The following IRAK1BP1 variants were observed in gnomAD, a reference collection of about 807,000 sequenced individuals.
IRAK1BP1 encodes interleukin-1 receptor-associated kinase 1-binding protein 1.
In IRAK1BP1, 24 loss-of-function variants were observed where a neutral mutation model predicts 28.0. That is an observed-to-expected ratio of 0.86 (90% CI 0.62 to 1.20). The LOEUF is 1.20. IRAK1BP1 is among the 50% of genes most tolerant of loss of function. The pLI, the probability that IRAK1BP1 is intolerant of heterozygous loss-of-function variation, is 0.00. For missense variants in IRAK1BP1, 336 were observed against 316.7 expected (o/e 1.06, Z -0.46); for synonymous variants, 131 against 116.3 (o/e 1.13, Z -0.81).
chr6:78,974,882 C>G, the IRAK1BP1 span, among the ~76,000 whole-genome samples: 2 of 151,510 alleles, frequency 1.3e-5, no homozygotes, highest in African/African-American at 4.9e-5. Context: ...CAATAATCAA[C>G]AGCTTACCAA....
downstream of IRAK1BP1, among the ~76,000 whole-genome samples, chr6:78,906,830 A>G (rs1772273252): frequency 1.3e-5 from 2 of 152,246 alleles, 1 homozygote; most frequent in South Asian, 4.2e-4. Flanking sequence ...CATTTTATAT[A>G]TTTTATTTGC....
intron 1 of IRAK1BP1, among the ~76,000 whole-genome samples, chr6:78,869,916 C>G (rs958194956): frequency 2.6e-5 from 4 of 151,938 alleles, no homozygotes; most frequent in African/African-American, 9.7e-5. Context: ...CAAGACCAGC[C>G]TGACCAACAT....
the IRAK1BP1 span, among the ~76,000 whole-genome samples, chr6:78,966,701 T>A: frequency 6.6e-6 from 1 of 152,242 alleles, no homozygotes; most frequent in South Asian, 2.1e-4. Flanking sequence ...CCCAAAGACC[T>A]GAACAAGCTA....
chr6:78,966,401 G>A, the IRAK1BP1 span, among the ~76,000 whole-genome samples: 53 of 151,916 alleles, frequency 3.5e-4, 2 homozygotes, highest in Non-Finnish European at 2.9e-4. Context: ...TTATAATTGC[G>A]GCAAGTTCCA....
At chr6:78,967,867 G>A in the IRAK1BP1 span, among the ~76,000 whole-genome samples, 1 of 152,244 alleles carries the variant, frequency 6.6e-6, no homozygotes, top group African/African-American at 2.4e-5. Flanking sequence ...GGGCGCGGTG[G>A]CTCATGCCTG....
At chr6:78,965,859 AAAG>A in the IRAK1BP1 span, 2 of 1,199,090 alleles carry the variant, frequency 1.7e-6, no homozygotes, top group Non-Finnish European at 2.4e-6. Flanking sequence ...TCTGTGTTTA[AAAG>A]AAGTCTCTTT....
the IRAK1BP1 span, among the ~76,000 whole-genome samples, chr6:78,977,963 C>T: frequency 2.0e-5 from 3 of 152,030 alleles, no homozygotes; most frequent in South Asian, 4.1e-4. Context: ...TATGGTCAAT[C>T]TGTTGGACAC....
the IRAK1BP1 span, among the ~76,000 whole-genome samples, chr6:78,970,581 T>C: frequency 6.8e-4 from 104 of 152,284 alleles, 1 homozygote; most frequent in South Asian, 8.1e-3. Flanking sequence ...ATAAACTGCA[T>C]TGGAGTATAT....
chr6:78,969,781 A>C, the IRAK1BP1 span: 1 of 800,476 alleles, frequency 1.2e-6, no homozygotes, highest in Non-Finnish European at 2.0e-6. Context: ...TAAATCACTT[A>C]CTAAGAAAAA....
At chr6:78,912,160 C>T (rs1222763870) in intron 4 of IRAK1BP1, among the ~76,000 whole-genome samples, 1 of 152,006 alleles carries the variant, frequency 6.6e-6, no homozygotes, top group East Asian at 1.9e-4. Flanking sequence ...GACAACTTCC[C>T]AGAAGAGGAT....
the IRAK1BP1 span, among the ~76,000 whole-genome samples, chr6:78,974,592 GT>G: frequency 6.6e-6 from 1 of 152,050 alleles, no homozygotes; most frequent in African/African-American, 2.4e-5. Context: ...CCAGGAGCTG[GT>G]TTTTTGAAAG....
At position 78,902,843 on chromosome 6, in the gene IRAK1BP1, G is replaced by A; in HGVS notation, c.*4509G>A. The A allele has an allele frequency of 1.7e-6, 1 of 589,096 alleles. No homozygotes were observed. Among genetic ancestry groups the A allele is most frequent in the South Asian group, 2.1e-5 (1 of 46,512 alleles). The allele number at this position is 589,096 out of a possible 1,614,324, so 36.5% of individuals were successfully genotyped here. ...ACATAAAATGCCCAGTATCTTACAA[G>A]ACTGTAGTTCACAGTGGGTAATTCA... On this transcript the variant is annotated 3_prime_UTR_variant, in exon 4 of 4. Coordinates refer to ENST00000369940, the MANE Select transcript of IRAK1BP1 (RefSeq NM_001010844.4).
At chr6:78,871,900 G>A in intron 1 of IRAK1BP1, 1 of 528,924 alleles carries the variant, frequency 1.9e-6, no homozygotes, top group South Asian at 2.9e-5. Context: ...GTGCATGCAG[G>A]CCCAGCTTCC....
At chr6:78,965,863 A>T in the IRAK1BP1 span, 4 of 1,186,992 alleles carry the variant, frequency 3.4e-6, no homozygotes, top group Non-Finnish European at 3.7e-6. Flanking sequence ...TGTTTAAAAG[A>T]AGTCTCTTTA....
the IRAK1BP1 span, chr6:78,961,844 T>A: frequency 1.3e-6 from 2 of 1,519,498 alleles, no homozygotes; most frequent in Non-Finnish European, 9.0e-7. Flanking sequence ...AAATTTATTT[T>A]TGTATGCCTA....
At chr6:78,960,642 G>C in the IRAK1BP1 span, among the ~76,000 whole-genome samples, 96 of 152,108 alleles carry the variant, frequency 6.3e-4, 1 homozygote, top group South Asian at 7.9e-3. Flanking sequence ...AGAAACTAAA[G>C]TCTAATATAT....
chr6:78,867,807 C>G lies in IRAK1BP1; in HGVS notation c.231C>G (p.Thr77=). Residue 77 remains threonine, a synonymous_variant, in exon 1 of 4, where the codon ACC becomes ACG. Transcript: ENST00000369940. ...RAQVVVRVSS[T]KEAAAEAKKS... Reference sequence around the variant, plus strand: ...AGGTGGTGGTGCGAGTGAGCAGCACCAAGGAGGCGGCAGCCGAGGCCAAAA... The same window carrying G: ...AGGTGGTGGTGCGAGTGAGCAGCACGAAGGAGGCGGCAGCCGAGGCCAAAA... The G allele has an allele frequency of 6.2e-7, 1 of 1,613,132 alleles. No homozygotes were observed. The highest frequency in any genetic ancestry group is 8.5e-7 in the Non-Finnish European group (1 of 1,179,582).
At chr6:78,942,088 C>G (rs1030835515) in intron 4 of IRAK1BP1, among the ~76,000 whole-genome samples, 1 of 152,160 alleles carries the variant, frequency 6.6e-6, no homozygotes, top group Admixed American at 6.5e-5. Flanking sequence ...TTGCAATGCT[C>G]TATTTTTGAG....
At chr6:78,945,332 G>C (rs1238184544) in intron 4 of IRAK1BP1, 2 of 1,613,556 alleles carry the variant, frequency 1.2e-6, no homozygotes, top group Non-Finnish European at 1.7e-6. Flanking sequence ...CTTTGAAAGA[G>C]TGGACGCCTT....
Sources: gnomAD v4.1 joint callset for allele counts (sites outside exome capture counted in the v4.1 genomes callset) on GRCh38, gnomAD v4.1.1 for gene constraint, MANE v1.5 for transcripts, NCBI Gene and HGNC (gene_info 2026-07-23, HGNC 2026-07-21) for gene names.